The following SCAMP2 variants were observed in gnomAD, a reference collection of about 807,000 sequenced individuals.
SCAMP2 encodes the protein secretory carrier membrane protein 2.
In SCAMP2, 25 loss-of-function variants were observed where a neutral mutation model predicts 44.1. The observed-to-expected ratio is 0.57, with a 90% CI of 0.41 to 0.79. SCAMP2 has a LOEUF of 0.79. Ranked by LOEUF, SCAMP2 falls within the 30% of genes least tolerant of loss-of-function variation. The pLI, the probability that SCAMP2 is intolerant of heterozygous loss-of-function variation, is 0.00. For synonymous variants in SCAMP2, 156 were observed against 166.0 expected (o/e 0.94, Z 0.46); for missense variants, 355 against 411.0 (o/e 0.86, Z 1.18).
At chr15:74,848,845 C>T (rs1255198787) in intron 6 of SCAMP2, 144 bp from the exon 7 acceptor site, 8 of 606,782 alleles carry the variant, frequency 1.3e-5, no homozygotes, top group South Asian at 4.0e-5. Context: ...CCATACCACC[C>T]GTAAGGACAC....
chr15:74,867,075 G>A lies in SCAMP2; in HGVS notation c.57+6124C>T, dbSNP rs577074446. ...CTCCCAAAGTGCTGGGATTACAGGC[G>A]TGAGCCACTGCGCCCCAGCCTCAGT... On this transcript the variant is annotated intron_variant, in intron 1 of 8. Coordinates refer to ENST00000268099, the MANE Select transcript of SCAMP2 (RefSeq NM_005697.5). Among the ~76,000 whole-genome samples the A allele has an allele frequency of 4.4e-3, 672 of 152,328 alleles. 5 individuals are homozygous for A. Among genetic ancestry groups the A allele is most frequent in the Non-Finnish European group, 7.1e-3 (483 of 68,036 alleles).
chr15:74,848,069 CTT>C (rs77348114), intron 7 of SCAMP2, among the ~76,000 whole-genome samples: 76 of 140,018 alleles, frequency 5.4e-4, no homozygotes, highest in Admixed American at 5.7e-4. Flanking sequence ...AAGATAGTGT[CTT>C]TTTTTTTTTT....
chr15:74,858,680 C>A (rs531132536), intron 1 of SCAMP2, among the ~76,000 whole-genome samples: 1 of 151,930 alleles, frequency 6.6e-6, no homozygotes, highest in Admixed American at 6.6e-5. Flanking sequence ...AAGCCTGGTA[C>A]GGAGCCTGAC....
At chr15:74,846,646 TC>T (rs2064401749) in intron 7 of SCAMP2, among the ~76,000 whole-genome samples, 1 of 151,866 alleles carries the variant, frequency 6.6e-6, no homozygotes, top group Non-Finnish European at 1.5e-5. Context: ...ACCTACATAG[TC>T]CCAGTTACTC....
chr15:74,845,241 A>G, intron 8 of SCAMP2, 24 bp from the exon 9 acceptor site: 1 of 1,608,746 alleles, frequency 6.2e-7, no homozygotes, highest in African/African-American at 1.3e-5. Flanking sequence ...GTGGGGTGAG[A>G]GAAGCCTGTC....
chr15:74,865,074 C>CA (rs36079981), intron 1 of SCAMP2, among the ~76,000 whole-genome samples: 8,268 of 32,214 alleles, frequency 0.26, 1,228 homozygotes, highest in East Asian at 0.58. Context: ...GACTCTATCT[C>CA]AAAAAAAAAA....
chr15:74,861,571 G>C (rs2064503434), intron 1 of SCAMP2, among the ~76,000 whole-genome samples: 1 of 152,154 alleles, frequency 6.6e-6, no homozygotes, highest in Non-Finnish European at 1.5e-5. Context: ...ACGCCACTAA[G>C]CATCACAGCT....
At chr15:74,861,887 CAAG>C (rs2064506411) in intron 1 of SCAMP2, among the ~76,000 whole-genome samples, 1 of 98,700 alleles carries the variant, frequency 1.0e-5, no homozygotes. Context: ...GGCAACAGAG[CAAG>C]ACTCTGTCTC....
intron 7 of SCAMP2, among the ~76,000 whole-genome samples, chr15:74,845,868 T>G (rs2064395863): frequency 6.6e-6 from 1 of 152,160 alleles, no homozygotes; most frequent in African/African-American, 2.4e-5. Flanking sequence ...GAGTCAGAAG[T>G]AGCACCGGGC....
chr15:74,849,857 A>G (rs559147377), intron 6 of SCAMP2, among the ~76,000 whole-genome samples: 1 of 152,340 alleles, frequency 6.6e-6, no homozygotes, highest in Non-Finnish European at 1.5e-5. Context: ...GGGACACCAG[A>G]CAAAACTCTC....
chr15:74,857,636 C>T (rs1167361053), intron 1 of SCAMP2, among the ~76,000 whole-genome samples: 1 of 152,168 alleles, frequency 6.6e-6, no homozygotes, highest in Non-Finnish European at 1.5e-5. Context: ...CAAAGAGATG[C>T]CATTTCCTTT....
chr15:74,848,448 GC>G (rs2064413361), intron 7 of SCAMP2, 151 bp downstream of exon 7: 7 of 564,854 alleles, frequency 1.2e-5, no homozygotes, highest in Admixed American at 6.4e-5. Context: ...TGGAGAGAAG[GC>G]CCAAAGCAGA....
At chr15:74,848,429 A>G (rs2064413229) in intron 7 of SCAMP2, 171 bp downstream of exon 7, 1 of 514,842 alleles carries the variant, frequency 1.9e-6, no homozygotes. Flanking sequence ...GTGGCTACTG[A>G]TGAAGAACTG....
intron 6 of SCAMP2, among the ~76,000 whole-genome samples, 165 bp from the exon 7 acceptor site, chr15:74,848,866 C>T (rs1002612733): frequency 1.3e-5 from 2 of 152,176 alleles, no homozygotes; most frequent in East Asian, 3.9e-4. Context: ...GCACACACCC[C>T]CCACCATAAT....
At chr15:74,872,997 C>G in intron 1 of SCAMP2, 1 of 509,278 alleles carries the variant, frequency 2.0e-6, no homozygotes, top group Non-Finnish European at 3.4e-6. Flanking sequence ...AACACTTCAG[C>G]GCCCCGCCTC....
In SCAMP2 at chr15:74,844,889, G is replaced by A. The variant is rs2064383161; in HGVS notation, c.*194C>T. ...AGGAAAGAGAGCTTTGTTTTTTTTT[G>A]TACATAGAGGGGGAAAAAATTCCCT... On this transcript the variant is annotated 3_prime_UTR_variant, in exon 9 of 9. Coordinates refer to ENST00000268099, the MANE Select transcript of SCAMP2 (RefSeq NM_005697.5). The A allele has an allele frequency of 3.5e-6, 2 of 565,678 alleles. No homozygotes were observed. Among genetic ancestry groups the A allele is most frequent in the African/African-American group, 3.9e-5 (2 of 51,546 alleles). 35.0% of individuals were successfully genotyped at this position (565,678 alleles called of 1,614,324 possible).
chr15:74,850,595 A>C lies in SCAMP2; in HGVS notation c.551T>G (p.Phe184Cys), dbSNP rs1267529289. The C allele has an allele frequency of 6.2e-7, 1 of 1,614,072 alleles. No individual in the cohort carries two copies. The highest frequency in any genetic ancestry group is 8.5e-7 in the Non-Finnish European group (1 of 1,179,946). Reference protein sequence around the residue: ...FSGNSSKGVDFGLSILWFLIF... With the variant: ...FSGNSSKGVDCGLSILWFLIF... ...CAGAAACCACAGGATGGAGAGGCCA[A>C]AGTCCACTCCCTTGGAGCTGTTGCC... The change falls in exon 6 of 9, where the codon TTT becomes TGT. Residue 184 changes from phenylalanine to cysteine, a missense_variant. Coordinates refer to ENST00000268099, the MANE Select transcript of SCAMP2 (RefSeq NM_005697.5).
intron 7 of SCAMP2, among the ~76,000 whole-genome samples, chr15:74,846,542 TC>T (rs2064401152): frequency 6.6e-6 from 1 of 151,746 alleles, no homozygotes; most frequent in Admixed American, 6.6e-5. Context: ...GATGGGCGGA[TC>T]ACGAGGTCAG....
chr15:74,848,503 G>A (rs2064413713), intron 7 of SCAMP2, 97 bp downstream of exon 7: 3 of 752,308 alleles, frequency 4.0e-6, no homozygotes, highest in Admixed American at 5.1e-5. Flanking sequence ...GGGAAAAGCA[G>A]GGCACTGGCG....
Sources: allele counts gnomAD v4.1 joint callset (sites outside exome capture counted in the v4.1 genomes callset), GRCh38; gene constraint gnomAD v4.1.1; transcripts MANE v1.5; gene names NCBI Gene and HGNC (gene_info 2026-07-23, HGNC 2026-07-21).